The following NFIB variants were observed in gnomAD, a reference collection of about 807,000 sequenced individuals.
The protein encoded by NFIB is nuclear factor I B, also known as nuclear factor 1 B-type.
Under a neutral mutation model 61.5 loss-of-function variants are expected in NFIB, and 11 were observed. The observed-to-expected ratio is 0.18, with a 90% confidence interval of 0.11 to 0.30. NFIB has a LOEUF of 0.30. Among genes scored for constraint, NFIB ranks in the 10% least tolerant of loss-of-function variants. The probability of loss-of-function intolerance (pLI) is 1.00; values close to 1 mark genes in which losing one functional copy is unlikely to be tolerated. For missense variants in NFIB, 471 were observed against 608.9 expected, an observed-to-expected ratio of 0.77 and a Z score of 2.38; for synonymous variants, 260 against 216.5, an observed-to-expected ratio of 1.20 and a Z score of -1.76.
chr9:14,373,694 T>G (rs2132978968), intron 1 of NFIB, among the ~76,000 whole-genome samples: 1 of 150,498 alleles, frequency 6.6e-6, no homozygotes, highest in East Asian at 1.9e-4. Context: ...TAGAAACAGG[T>G]AGATAAAGAA....
chr9:14,480,824 G>A, the NFIB span, among the ~76,000 whole-genome samples: 1 of 152,078 alleles, frequency 6.6e-6, no homozygotes, highest in South Asian at 2.1e-4. Context: ...ACATCCTGGT[G>A]CCTTTAACCA....
At chr9:14,225,119 G>A (rs1043467818) in intron 2 of NFIB, among the ~76,000 whole-genome samples, 2 of 152,036 alleles carry the variant, frequency 1.3e-5, no homozygotes, top group Non-Finnish European at 2.9e-5. Context: ...CTGCTTCTAA[G>A]TATCCAACAT....
intron 1 of NFIB, among the ~76,000 whole-genome samples, chr9:14,322,615 C>G (rs1243642146): frequency 1.3e-5 from 2 of 148,148 alleles, no homozygotes; most frequent in Admixed American, 1.3e-4. Flanking sequence ...CCTGGGCGCG[C>G]GGGAAGCGCG....
chr9:14,392,299 T>C (rs10961499), intron 1 of NFIB, among the ~76,000 whole-genome samples: 8,802 of 152,300 alleles, frequency 0.058, 489 homozygotes, highest in East Asian at 0.34. Flanking sequence ...TCTATCAACA[T>C]TGGTTTCTGA....
intron 1 of NFIB, among the ~76,000 whole-genome samples, chr9:14,373,241 G>T (rs1434720672): frequency 6.6e-6 from 1 of 152,174 alleles, no homozygotes; most frequent in Non-Finnish European, 1.5e-5. Flanking sequence ...ATTTATTGTT[G>T]GAACATGTAC....
At chr9:14,483,720 C>T in the NFIB span, among the ~76,000 whole-genome samples, 1 of 152,154 alleles carries the variant, frequency 6.6e-6, no homozygotes, top group African/African-American at 2.4e-5. Context: ...ACTATCTTTC[C>T]TTACAGACAT....
At position 14,084,503 on chromosome 9, in the gene NFIB, C is replaced by T. The variant is rs957642307; in HGVS notation, c.*3806G>A. 4.4e-5 allele frequency: 10 copies of T among 224,996 alleles called. No individual in the cohort carries two copies. The highest frequency in any genetic ancestry group is 2.0e-4 in the African/African-American group (9 of 44,830). The allele number at this position is 224,996 out of a possible 1,614,324, so 13.9% of individuals were successfully genotyped here. On this transcript the variant is annotated 3_prime_UTR_variant, in exon 11 of 11. Transcript: ENST00000380953. ...TTGCCATGTCTTTATGTACAGTCTC[C>T]TTCACTGCCTTTTATTTTTTTCCTT...
At chr9:14,128,601 G>C (rs1205986729) in intron 6 of NFIB, among the ~76,000 whole-genome samples, 5 of 151,756 alleles carry the variant, frequency 3.3e-5, no homozygotes, top group Admixed American at 3.3e-4. Flanking sequence ...GGGAGGCTGA[G>C]GCAGGAGAAT....
At chr9:14,237,842 A>T (rs12343609) in intron 2 of NFIB, among the ~76,000 whole-genome samples, 6,023 of 52,442 alleles carry the variant, frequency 0.11, 939 homozygotes, top group East Asian at 0.5. Flanking sequence ...TAGGTATAAC[A>T]GTGTGTGTGT....
the NFIB span, among the ~76,000 whole-genome samples, chr9:14,406,967 G>C: frequency 6.6e-6 from 1 of 152,180 alleles, no homozygotes; most frequent in Non-Finnish European, 1.5e-5. Flanking sequence ...TGGTTTATCT[G>C]TTAATGCAGA....
intron 1 of NFIB, among the ~76,000 whole-genome samples, chr9:14,381,004 G>A (rs1398526102): frequency 1.4e-5 from 2 of 140,462 alleles, no homozygotes; most frequent in East Asian, 2.2e-4. Context: ...GTTCCGGGAG[G>A]CAAATGTTGC....
At chr9:14,464,938 G>C in the NFIB span, among the ~76,000 whole-genome samples, 1 of 152,134 alleles carries the variant, frequency 6.6e-6, no homozygotes, top group East Asian at 1.9e-4. Context: ...CTGTCATGTG[G>C]AATGTACTCA....
At chr9:14,408,762 T>TTTTTA in the NFIB span, among the ~76,000 whole-genome samples, 1 of 152,176 alleles carries the variant, frequency 6.6e-6, no homozygotes, top group Non-Finnish European at 1.5e-5. Context: ...CTTAGAATAA[T>TTTTTA]TTTTATTTTA....
chr9:14,522,803 A>C, the NFIB span, among the ~76,000 whole-genome samples: 1 of 152,178 alleles, frequency 6.6e-6, no homozygotes, highest in Non-Finnish European at 1.5e-5. Flanking sequence ...TCAGCATTGA[A>C]CCTTGAAATA....
At position 14,174,343 on chromosome 9, in the gene NFIB, T is replaced by C. The variant is rs143418632; in HGVS notation, c.616+5384A>G. Reference sequence around the variant, plus strand: ...GAGCCTATTTATAGTCGAATGCACATTGTCTAGTGCCAAAGTTTAAAATCA... The same window carrying C: ...GAGCCTATTTATAGTCGAATGCACACTGTCTAGTGCCAAAGTTTAAAATCA... On this transcript the variant is annotated intron_variant, in intron 3 of 10. Coordinates refer to ENST00000380953, the MANE Select transcript of NFIB (RefSeq NM_001190737.2). Among the ~76,000 whole-genome samples, 99 of 152,304 alleles carry C rather than the reference T, an allele frequency of 6.5e-4. 1 individual carries two copies. In the East Asian group the frequency reaches 0.018, roughly 28 times the overall value.
intron 9 of NFIB, among the ~76,000 whole-genome samples, chr9:14,115,584 G>A (rs2038002681): frequency 1.4e-5 from 2 of 147,282 alleles, no homozygotes; most frequent in African/African-American, 5.4e-5. Flanking sequence ...CACAGTATTT[G>A]ATGTACCAAT....
chr9:14,199,322 C>G (rs1252028696), intron 2 of NFIB, among the ~76,000 whole-genome samples: 1 of 152,176 alleles, frequency 6.6e-6, no homozygotes, highest in Non-Finnish European at 1.5e-5. Flanking sequence ...GGCAGTAGTG[C>G]GGCAGGGTGA....
chr9:14,341,412 G>A (rs1375785338), intron 1 of NFIB, among the ~76,000 whole-genome samples: 1 of 152,158 alleles, frequency 6.6e-6, no homozygotes, highest in Admixed American at 6.5e-5. Flanking sequence ...CCCAAGGAGG[G>A]AGAAAGATGA....
chr9:14,465,814 A>C, the NFIB span, among the ~76,000 whole-genome samples: 2 of 152,094 alleles, frequency 1.3e-5, no homozygotes, highest in Admixed American at 6.5e-5. Flanking sequence ...CATCCTGTGC[A>C]CTGTACGATG....
Sources: allele counts gnomAD v4.1 joint callset (sites outside exome capture counted in the v4.1 genomes callset), GRCh38; gene constraint gnomAD v4.1.1; transcripts MANE v1.5; gene names NCBI Gene and HGNC (gene_info 2026-07-23, HGNC 2026-07-21).